Variants in KAT6B observed in about 807,000 individuals in gnomAD.
The protein encoded by KAT6B is lysine acetyltransferase 6B.
Under a neutral mutation model 187.5 loss-of-function variants are expected in KAT6B, and 10 were observed. The observed-to-expected ratio is 0.05, with a 90% CI of 0.03 to 0.09. The LOEUF (loss-of-function observed/expected upper bound fraction) is 0.09. Among genes scored for constraint, KAT6B ranks in the 10% least tolerant of loss-of-function variants. KAT6B has a pLI of 1.00. For synonymous variants in KAT6B, 861 were observed against 926.8 expected, an observed-to-expected ratio of 0.93 and a Z score of 1.29; for missense variants, 1,952 against 2,558.9, an observed-to-expected ratio of 0.76 and a Z score of 5.12.
intron 3 of KAT6B, among the ~76,000 whole-genome samples, chr10:74,895,113 T>C (rs1455333368): frequency 7.2e-5 from 11 of 151,928 alleles, no homozygotes; most frequent in Admixed American, 4.6e-4. Context: ...TTCATTATGG[T>C]TTTGATTTGC....
intron 7 of KAT6B, among the ~76,000 whole-genome samples, chr10:74,975,175 G>A (rs1268006416): frequency 6.6e-6 from 1 of 152,050 alleles, no homozygotes; most frequent in Non-Finnish European, 1.5e-5. Flanking sequence ...GGTCCACATG[G>A]ATTCTTCCAG....
chr10:74,879,721 T>G (rs1844712836), intron 3 of KAT6B, among the ~76,000 whole-genome samples: 1 of 152,196 alleles, frequency 6.6e-6, no homozygotes, highest in Non-Finnish European at 1.5e-5. Context: ...GTGTCGTTTT[T>G]GTTTTTTCCT....
chr10:75,011,925 A>G lies in KAT6B; in HGVS notation c.2630-8657A>G, dbSNP rs74700365. ...CTCATTAGGCACCACTGCTACCACT[A>G]TAGCCCTGTGAGGTGGCAAAAATGA... On this transcript the variant is annotated intron_variant, in intron 13 of 17. Transcript: ENST00000287239. Among the ~76,000 whole-genome samples, 651 of 152,298 alleles carry G rather than the reference A, an allele frequency of 4.3e-3. 7 individuals are homozygous for G. The highest frequency in any genetic ancestry group is 0.015 in the African/African-American group (613 of 41,554).
intron 3 of KAT6B, among the ~76,000 whole-genome samples, chr10:74,907,532 T>A (rs1458634162): frequency 6.6e-6 from 1 of 152,092 alleles, no homozygotes; most frequent in Non-Finnish European, 1.5e-5. Context: ...CTTTTTCTTT[T>A]TCTTTTTTTC....
chr10:74,963,079 A>G (rs1263017848), intron 4 of KAT6B, among the ~76,000 whole-genome samples: 4 of 152,168 alleles, frequency 2.6e-5, no homozygotes, highest in African/African-American at 9.7e-5. Flanking sequence ...TGAGAAAATG[A>G]TAGGAAGATG....
At chr10:74,955,388 C>CA (rs1417882114) in intron 3 of KAT6B, among the ~76,000 whole-genome samples, 3 of 142,176 alleles carry the variant, frequency 2.1e-5, no homozygotes, top group Admixed American at 7.0e-5. Flanking sequence ...TTTTATCCCC[C>CA]CCCCCCCAAC....
At chr10:74,934,914 C>T (rs987459439) in intron 3 of KAT6B, among the ~76,000 whole-genome samples, 13 of 152,196 alleles carry the variant, frequency 8.5e-5, no homozygotes, top group Non-Finnish European at 1.8e-4. Flanking sequence ...GACCCTTGCT[C>T]TTGACTTATA....
At chr10:74,955,383 T>TA (rs1840601518) in intron 3 of KAT6B, among the ~76,000 whole-genome samples, 1 of 101,428 alleles carries the variant, frequency 9.9e-6, no homozygotes, top group African/African-American at 3.9e-5. Flanking sequence ...CACAATTTTA[T>TA]CCCCCCCCCC....
chr10:74,930,784 A>G (rs943903025), intron 3 of KAT6B, among the ~76,000 whole-genome samples: 1 of 152,104 alleles, frequency 6.6e-6, no homozygotes, highest in Non-Finnish European at 1.5e-5. Context: ...CTTTTTTCTC[A>G]ATAATTTTCA....
intron 3 of KAT6B, among the ~76,000 whole-genome samples, chr10:74,873,780 G>A (rs1232266169): frequency 3.3e-5 from 5 of 152,224 alleles, no homozygotes; most frequent in Non-Finnish European, 7.4e-5. Flanking sequence ...TCTCCCCAAG[G>A]TCTTTTTATT....
Position 75,030,651 on chromosome 10 carries a change from A to G in KAT6B, c.5827A>G (p.Ile1943Val), listed in dbSNP as rs768094076. ...SPAAATHQSQ[I>V]YGRSQTVAMQ... ...AGCCGCTGCCACCCATCAGTCACAA[A>G]TCTATGGGCGCTCCCAGACTGTAGC... The change falls in exon 18 of 18, where the codon ATC (isoleucine) becomes GTC (valine). Residue 1943 changes from isoleucine (I) to valine (V), a missense_variant. Around this residue, in one of 9 missense-constraint regions of KAT6B, gnomAD observed 358 missense variants for 436.3 expected, o/e 0.82. Transcript: ENST00000287239. This position sits in a 1 kb window ranked among gnomAD's most constrained non-coding sequence, Gnocchi z 4.8. The G allele has an allele frequency of 1.9e-5, 30 of 1,614,044 alleles. No homozygotes were observed. Among genetic ancestry groups the G allele is most frequent in the Non-Finnish European group, 2.5e-5 (30 of 1,179,998 alleles).
chr10:74,980,742 T>C (rs534250735), intron 10 of KAT6B, among the ~76,000 whole-genome samples: 68 of 152,308 alleles, frequency 4.5e-4, no homozygotes, highest in Non-Finnish European at 6.0e-4. Context: ...CATTAAGATA[T>C]GGAAATAAAA....
intron 3 of KAT6B, among the ~76,000 whole-genome samples, chr10:74,904,242 TCA>T (rs950644882): frequency 2.1e-4 from 32 of 152,222 alleles, no homozygotes; most frequent in Non-Finnish European, 4.1e-4. Flanking sequence ...GTATATTATC[TCA>T]CAGTTTCTAT....
At chr10:74,994,109 A>G (rs1843275103) in intron 13 of KAT6B, among the ~76,000 whole-genome samples, 1 of 152,230 alleles carries the variant, frequency 6.6e-6, no homozygotes, top group Non-Finnish European at 1.5e-5. Context: ...TATGATAATT[A>G]CCAAATGGTA....
intron 3 of KAT6B, among the ~76,000 whole-genome samples, chr10:74,851,353 G>T (rs1215129856): frequency 5.7e-5 from 8 of 140,456 alleles, no homozygotes; most frequent in Admixed American, 5.0e-4. Flanking sequence ...TTTTTTTTTG[G>T]AGATGGAGTC....
intron 4 of KAT6B, among the ~76,000 whole-genome samples, chr10:74,961,077 A>G (rs1436492669): frequency 6.6e-6 from 1 of 152,136 alleles, no homozygotes; most frequent in African/African-American, 2.4e-5. Context: ...GAAATAAGAC[A>G]TTTCAAACCC....
intron 4 of KAT6B, among the ~76,000 whole-genome samples, chr10:74,961,253 G>A (rs1286031960): frequency 6.6e-6 from 1 of 152,142 alleles, no homozygotes; most frequent in Non-Finnish European, 1.5e-5. Context: ...TTTTATGCTG[G>A]TGAGGTAGTG....
chr10:74,899,398 C>G (rs917915241), intron 3 of KAT6B, among the ~76,000 whole-genome samples: 8 of 151,406 alleles, frequency 5.3e-5, no homozygotes, highest in African/African-American at 1.9e-4. Context: ...CTCACCCTCC[C>G]CAGTAGCTGG....
At chr10:74,904,551 C>T (rs1279354445) in intron 3 of KAT6B, among the ~76,000 whole-genome samples, 1 of 152,194 alleles carries the variant, frequency 6.6e-6, no homozygotes, top group East Asian at 1.9e-4. Context: ...AGAGATTGTA[C>T]AGGGGCCCAA....
Sources: gnomAD v4.1 joint callset for allele counts (sites outside exome capture counted in the v4.1 genomes callset) on GRCh38, gnomAD v4.1.1 for gene constraint, gnomAD v4.1.1 regional missense constraint, Gnocchi (gnomAD v3.1) non-coding constraint, MANE v1.5 for transcripts, NCBI Gene and HGNC (gene_info 2026-07-23, HGNC 2026-07-21) for gene names.